The following PLXNA4 variants were observed in gnomAD, a reference collection of about 807,000 sequenced individuals.
The protein encoded by PLXNA4 is plexin-A4.
PLXNA4 carries 44 observed loss-of-function variants against 191.8 expected under a neutral mutation model. The ratio of observed to expected loss-of-function variants is 0.23; its 90% CI spans 0.18 to 0.29. The LOEUF (loss-of-function observed/expected upper bound fraction) is 0.29, where lower values mean the gene tolerates loss of function less well. Ranked by LOEUF, PLXNA4 falls within the 10% of genes least tolerant of loss-of-function variation. PLXNA4 has a pLI of 1.00. For synonymous variants in PLXNA4, 1,082 were observed against 1,009.5 expected (o/e 1.07, Z -1.36); for missense variants, 1,800 against 2,488.8 (o/e 0.72, Z 5.89).
chr7:132,354,293 C>A (rs78686327), intron 3 of PLXNA4, among the ~76,000 whole-genome samples: 2 of 152,134 alleles, frequency 1.3e-5, no homozygotes, highest in African/African-American at 4.8e-5. Context: ...TGTGAACTCA[C>A]GGTACTCACA....
rs193018515 is a variant in PLXNA4, at chr7:132,130,578, C to A, written c.5590-4G>T. The A allele has an allele frequency of 1.2e-6, 2 of 1,614,000 alleles. No homozygotes were observed. Among genetic ancestry groups the A allele is most frequent in the Middle Eastern group, 1.7e-4 (1 of 6,060 alleles). On this transcript the variant is annotated splice_polypyrimidine_tract_variant and splice_region_variant and intron_variant, in intron 31 of 31. Coordinates refer to ENST00000321063, the MANE Select transcript of PLXNA4 (RefSeq NM_020911.2). ...CGTGGTCCAGAGGTCCAAGGATCTG[C>A]GGAAGGGCCAAGAACAGGGAGATTA...
chr7:132,626,691 C>A (rs1011015227), intron 2 of PLXNA4, among the ~76,000 whole-genome samples: 2 of 152,066 alleles, frequency 1.3e-5, no homozygotes, highest in African/African-American at 4.8e-5. Context: ...AATTAAACCT[C>A]TTTTTTTTAA....
chr7:132,536,094 C>T (rs968434754), intron 1 of PLXNA4, among the ~76,000 whole-genome samples: 2 of 152,192 alleles, frequency 1.3e-5, no homozygotes, highest in African/African-American at 4.8e-5. Context: ...CTCTCTGAAC[C>T]TCGGACCCTC....
intron 12 of PLXNA4, among the ~76,000 whole-genome samples, chr7:132,202,181 C>T (rs1797459993): frequency 6.6e-6 from 1 of 152,156 alleles, no homozygotes; most frequent in Admixed American, 6.5e-5. Context: ...CATCTTACAG[C>T]TCAGGGCTTG....
At position 132,167,366 on chromosome 7, in the gene PLXNA4, G is replaced by A. The variant is rs893167424; in HGVS notation, c.4286+938C>T. On this transcript the variant is annotated intron_variant, in intron 22 of 31. Coordinates refer to ENST00000321063, the MANE Select transcript of PLXNA4 (RefSeq NM_020911.2). ...TGGGCCCATTTACAGCCTACAGCAGGTGCGAGGAAACACTTGCTGGGCTGT... is the reference window on the plus strand; with the variant it reads ...TGGGCCCATTTACAGCCTACAGCAGATGCGAGGAAACACTTGCTGGGCTGT... Among the ~76,000 whole-genome samples, 5 of 152,158 alleles carry A rather than the reference G, an allele frequency of 3.3e-5. No homozygotes were observed. The South Asian group carries it at 1.0e-3, about 32-fold the overall frequency.
At chr7:132,170,823 C>T (rs1240338569) in intron 21 of PLXNA4, among the ~76,000 whole-genome samples, 1 of 152,250 alleles carries the variant, frequency 6.6e-6, no homozygotes, top group Non-Finnish European at 1.5e-5. Context: ...GTGTGTGTTT[C>T]CAAATCAGGT....
At position 132,128,779 on chromosome 7, in the gene PLXNA4, G is replaced by A. The variant is rs1794848774; in HGVS notation, c.*1700C>T. 1 of 152,238 alleles carries A rather than the reference G, an allele frequency of 6.6e-6. No individual in the cohort carries two copies. Among genetic ancestry groups the A allele is most frequent in the South Asian group, 2.1e-4 (1 of 4,834 alleles). The allele number at this position is 152,238 out of a possible 1,614,324, so 9.4% of individuals were successfully genotyped here. A position where few individuals can be genotyped will look rare whatever the true frequency, so the allele number is the denominator to read the frequency against. The stretch of plus-strand genomic sequence containing the variant: ...TGGGTGACAAGGAATGATGTCTGAT[G>A]TTTGGGGAGTGAAGGCAAGACTGTG... On this transcript the variant is annotated 3_prime_UTR_variant, in exon 32 of 32. Coordinates refer to ENST00000321063, the MANE Select transcript of PLXNA4 (RefSeq NM_020911.2).
At chr7:132,592,976 C>T (rs573593322) in intron 2 of PLXNA4, among the ~76,000 whole-genome samples, 25 of 152,196 alleles carry the variant, frequency 1.6e-4, no homozygotes, top group African/African-American at 6.0e-4. Flanking sequence ...CACACATATA[C>T]ATTTCAAAGC....
In PLXNA4 at chr7:132,293,365, G is replaced by A. The variant is rs568157619; in HGVS notation, c.1503+4726C>T. ...CACAATCACATCTTACATGGCGGCA[G>A]GGAAGACAGAATGAGAGCCAAGCAA... is the stretch of plus-strand genomic sequence containing the variant. On this transcript the variant is annotated intron_variant, in intron 4 of 31. Coordinates refer to ENST00000321063, the MANE Select transcript of PLXNA4 (RefSeq NM_020911.2). Among the ~76,000 whole-genome samples the A allele has an allele frequency of 2.6e-5, 4 of 152,288 alleles. No homozygotes were observed. The East Asian group carries it at 7.7e-4, about 29-fold the overall frequency.
At chr7:132,355,807 A>T (rs1424104647) in intron 3 of PLXNA4, among the ~76,000 whole-genome samples, 1 of 152,156 alleles carries the variant, frequency 6.6e-6, no homozygotes, top group Admixed American at 6.5e-5. Flanking sequence ...AATGGAGATC[A>T]TATGATGCCA....
intron 5 of PLXNA4, among the ~76,000 whole-genome samples, chr7:132,235,502 T>C (rs1447191321): frequency 1.3e-5 from 2 of 152,158 alleles, no homozygotes; most frequent in Admixed American, 1.3e-4. Flanking sequence ...CCTGCCAACC[T>C]ATCCAGAGGA....
intron 5 of PLXNA4, 152 bp from the exon 6 acceptor site, chr7:132,228,621 G>A: frequency 9.9e-7 from 1 of 1,014,266 alleles, no homozygotes; most frequent in East Asian, 2.7e-5. Context: ...CTCAAGCCTG[G>A]TCCTCCTCCA....
At chr7:132,392,348 C>A (rs970361061) in intron 3 of PLXNA4, among the ~76,000 whole-genome samples, 1 of 152,180 alleles carries the variant, frequency 6.6e-6, no homozygotes, top group Non-Finnish European at 1.5e-5. Context: ...AGCTAACTAA[C>A]CTTCTTGTAG....
At chr7:132,147,093 C>G (rs2116571288) in intron 27 of PLXNA4, among the ~76,000 whole-genome samples, 1 of 152,334 alleles carries the variant, frequency 6.6e-6, no homozygotes, top group South Asian at 2.1e-4. Flanking sequence ...TAGCCTGTCT[C>G]CCTCAATAAC....
chr7:132,223,641 C>G lies in PLXNA4; in HGVS notation c.1983G>C (p.Ser661=). 6.2e-7 allele frequency: 1 copy of G among 1,612,336 alleles called. No individual in the cohort carries two copies. The highest frequency in any genetic ancestry group is 8.5e-7 in the Non-Finnish European group (1 of 1,179,130). ...ATGGACTCTCCACGCAGGACAGGCA[C>G]CTGGGCACAGGGGAAGGGAGGCACA... ...FVFYNCSVHN[S]CLSCVESPYR... The change falls in exon 9 of 32, where the codon TCG becomes TCC. Residue 661 remains serine, a splice_region_variant and synonymous_variant. Transcript: ENST00000321063.
chr7:132,487,710 C>A (rs554939159), intron 3 of PLXNA4, among the ~76,000 whole-genome samples: 12 of 152,222 alleles, frequency 7.9e-5, no homozygotes, highest in Admixed American at 4.6e-4. Context: ...TGATGAGTGG[C>A]CAAGTGCATG....
intron 3 of PLXNA4, among the ~76,000 whole-genome samples, chr7:132,347,249 CT>C (rs978904103): frequency 6.6e-6 from 1 of 152,186 alleles, no homozygotes; most frequent in African/African-American, 2.4e-5. Context: ...ACCTTTCTTC[CT>C]TTTCTAGCCC....
chr7:132,322,535 G>C (rs1802212515), intron 3 of PLXNA4, among the ~76,000 whole-genome samples: 1 of 152,148 alleles, frequency 6.6e-6, no homozygotes, highest in Non-Finnish European at 1.5e-5. Flanking sequence ...CAGGTTTTAA[G>C]AGGCTGTGGC....
rs1794797663 is a variant in PLXNA4, at chr7:132,127,355, C to T, written c.*3124G>A. On this transcript the variant is annotated 3_prime_UTR_variant, in exon 32 of 32. Coordinates refer to ENST00000321063, the MANE Select transcript of PLXNA4 (RefSeq NM_020911.2). The stretch of plus-strand genomic sequence containing the variant: ...GGAGGCCGTGAAGGGGCCTCCATCC[C>T]ACAGGACAAAGTTGGCCCAATTCCT... 1 of 152,032 alleles carries T rather than the reference C, an allele frequency of 6.6e-6. No homozygotes were observed. The allele number at this position is 152,032 out of a possible 1,614,324, so 9.4% of individuals were successfully genotyped here.
Sources: gnomAD v4.1 joint callset for allele counts (sites outside exome capture counted in the v4.1 genomes callset) on GRCh38, gnomAD v4.1.1 for gene constraint, MANE v1.5 for transcripts, NCBI Gene and HGNC (gene_info 2026-07-23, HGNC 2026-07-21) for gene names.